PLEKHB2: variants seen among roughly 807,000 people sequenced by gnomAD.
PLEKHB2 encodes the protein pleckstrin homology domain containing B2.
PLEKHB2 carries 31 observed loss-of-function variants against 36.5 expected under a neutral mutation model. The ratio of observed to expected loss-of-function variants is 0.85; its 90% CI spans 0.64 to 1.15. The LOEUF (loss-of-function observed/expected upper bound fraction) is 1.15. PLEKHB2 is among the 50% of genes most tolerant of loss of function. The probability of loss-of-function intolerance (pLI) is 0.00; values close to 1 mark genes in which losing one functional copy is unlikely to be tolerated. For missense variants in PLEKHB2, 262 were observed against 295.3 expected, an observed-to-expected ratio of 0.89 and a Z score of 0.83; for synonymous variants, 119 against 112.0, an observed-to-expected ratio of 1.06 and a Z score of -0.39.
At position 131,148,443 on chromosome 2, in the gene PLEKHB2, G is replaced by A. The variant is rs1191031517; in HGVS notation, c.*1670G>A. ...GCTTTCAACAGTGTGCTTTTACAGT[G>A]GCAGTTTAGCACAGCGAATGTCCCT... On this transcript the variant is annotated 3_prime_UTR_variant, in exon 8 of 8. Coordinates refer to ENST00000693505, the MANE Select transcript of PLEKHB2 (RefSeq NM_001100623.2). The A allele has an allele frequency of 1.3e-5, 2 of 152,126 alleles. No individual in the cohort carries two copies. The allele number at this position is 152,126 out of a possible 1,614,324, so 9.4% of individuals were successfully genotyped here.
chr2:131,118,284 T>C (rs1017933358), intron 1 of PLEKHB2, among the ~76,000 whole-genome samples: 4 of 151,980 alleles, frequency 2.6e-5, no homozygotes, highest in African/African-American at 9.7e-5. Context: ...TAGAGAAAGA[T>C]TGGGGAAAAA....
chr2:131,118,081 G>A (rs946261603), intron 1 of PLEKHB2, among the ~76,000 whole-genome samples: 5 of 152,160 alleles, frequency 3.3e-5, no homozygotes, highest in African/African-American at 4.8e-5. Flanking sequence ...GGGTTTGGGG[G>A]TTGGTGAAGT....
chr2:131,136,456 T>C (rs530401664), intron 6 of PLEKHB2, among the ~76,000 whole-genome samples: 1 of 151,708 alleles, frequency 6.6e-6, no homozygotes, highest in African/African-American at 2.4e-5. Context: ...ACAATCCTCC[T>C]GCCTGGGCCT....
chr2:131,140,771 A>G (rs1322331170), intron 7 of PLEKHB2, among the ~76,000 whole-genome samples: 1 of 152,148 alleles, frequency 6.6e-6, no homozygotes. Context: ...ACTGGTGTAG[A>G]GGTATCATGT....
intron 5 of PLEKHB2, 49 bp from the exon 6 acceptor site, chr2:131,132,853 A>G (rs1697848425): frequency 9.5e-7 from 1 of 1,054,438 alleles, no homozygotes; most frequent in Admixed American, 1.8e-5. Flanking sequence ...CATCGAGCAC[A>G]CAGCTGCTGG....
At chr2:131,114,538 G>C (rs1695662312) in intron 1 of PLEKHB2, among the ~76,000 whole-genome samples, 1 of 152,132 alleles carries the variant, frequency 6.6e-6, no homozygotes, top group Admixed American at 6.6e-5. Context: ...TTTCTTTTCT[G>C]TTGCATCATC....
chr2:131,109,900 G>A (rs1039763891), intron 1 of PLEKHB2, among the ~76,000 whole-genome samples: 1 of 152,044 alleles, frequency 6.6e-6, no homozygotes, highest in African/African-American at 2.4e-5. Flanking sequence ...GGATCATGAG[G>A]TCAGGAGATC....
At chr2:131,138,015 A>ATT (rs779343791) in intron 6 of PLEKHB2, among the ~76,000 whole-genome samples, 27 of 113,294 alleles carry the variant, frequency 2.4e-4, no homozygotes, top group African/African-American at 7.4e-4. Flanking sequence ...AGAGATGCTC[A>ATT]TTTTTTTTTT....
chr2:131,123,800 G>A lies in PLEKHB2; in HGVS notation c.38-1953G>A, dbSNP rs1162499144. The stretch of plus-strand genomic sequence containing the variant: ...ACCCCCCCCCCCGCCCCCCGCCCTC[G>A]GCCTCCCAAAGTGCTAGGATTACAG... On this transcript the variant is annotated intron_variant, in intron 2 of 7. Transcript: ENST00000693505. Among the ~76,000 whole-genome samples, 204 of 22,542 alleles carry A rather than the reference G, an allele frequency of 9.0e-3. 6 individuals are homozygous for A. The highest frequency in any genetic ancestry group is 0.079 in the Admixed American group (177 of 2,240). 14.8% of individuals were successfully genotyped at this position (22,542 alleles called of 152,430 possible). A position where few individuals can be genotyped will look rare whatever the true frequency, so the allele number is the denominator to read the frequency against.
chr2:131,139,147 T>A (rs1698540825), intron 6 of PLEKHB2, among the ~76,000 whole-genome samples: 2 of 152,194 alleles, frequency 1.3e-5, no homozygotes, highest in South Asian at 4.1e-4. Flanking sequence ...AGAGCAGCTC[T>A]TCTCAGGGTC....
At chr2:131,111,152 G>A (rs1323770057) in intron 1 of PLEKHB2, among the ~76,000 whole-genome samples, 4 of 151,448 alleles carry the variant, frequency 2.6e-5, no homozygotes, top group Non-Finnish European at 5.9e-5. Flanking sequence ...CTACAAGTGC[G>A]TGCCACCATG....
chr2:131,107,321 T>C (rs933578168), intron 1 of PLEKHB2: 2 of 152,272 alleles, frequency 1.3e-5, no homozygotes, highest in Non-Finnish European at 2.9e-5. Flanking sequence ...CTTTGCTTTC[T>C]TTGCCTGTCT....
chr2:131,119,828 C>T (rs1257369056), intron 1 of PLEKHB2, among the ~76,000 whole-genome samples: 2 of 151,902 alleles, frequency 1.3e-5, no homozygotes, highest in Non-Finnish European at 2.9e-5. Flanking sequence ...TGTCTTTTTA[C>T]GAGTTTGTTG....
At chr2:131,109,551 G>A (rs574366723) in intron 1 of PLEKHB2, among the ~76,000 whole-genome samples, 2 of 152,018 alleles carry the variant, frequency 1.3e-5, no homozygotes, top group African/African-American at 4.8e-5. Flanking sequence ...TCAGCTGTGC[G>A]TGGTGGTGGG....
chr2:131,121,335 G>A (rs1336510383), intron 2 of PLEKHB2, among the ~76,000 whole-genome samples: 1 of 152,030 alleles, frequency 6.6e-6, no homozygotes, highest in Non-Finnish European at 1.5e-5. Context: ...CGCAGCCTCC[G>A]CTTCCTGGGT....
intron 7 of PLEKHB2, among the ~76,000 whole-genome samples, chr2:131,145,987 C>A (rs1699248856): frequency 6.6e-6 from 1 of 151,684 alleles, no homozygotes; most frequent in African/African-American, 2.4e-5. Flanking sequence ...TCGAGACCAT[C>A]CTGGCTAACA....
intron 1 of PLEKHB2, among the ~76,000 whole-genome samples, chr2:131,106,513 G>A (rs1694750483): frequency 6.6e-6 from 1 of 152,146 alleles, no homozygotes; most frequent in Non-Finnish European, 1.5e-5. Flanking sequence ...AAACATGTAT[G>A]CACAGACACA....
At chr2:131,118,685 G>A (rs1696129782) in intron 1 of PLEKHB2, among the ~76,000 whole-genome samples, 1 of 151,646 alleles carries the variant, frequency 6.6e-6, no homozygotes, top group Non-Finnish European at 1.5e-5. Flanking sequence ...CTAACATGGT[G>A]AAACCCCGTC....
chr2:131,118,661 C>T (rs372602521), intron 1 of PLEKHB2, among the ~76,000 whole-genome samples: 11 of 150,762 alleles, frequency 7.3e-5, no homozygotes, highest in South Asian at 2.1e-4. Context: ...GTCAGGAGAT[C>T]GAGACCATCC....
Sources: allele counts gnomAD v4.1 joint callset (sites outside exome capture counted in the v4.1 genomes callset), GRCh38; gene constraint gnomAD v4.1.1; transcripts MANE v1.5; gene names NCBI Gene and HGNC (gene_info 2026-07-23, HGNC 2026-07-21).